The following SPAG16 variants were observed in gnomAD, a reference collection of about 807,000 sequenced individuals.
SPAG16 encodes the protein sperm associated antigen 16.
SPAG16 carries 86 observed loss-of-function variants against 80.4 expected under a neutral mutation model. The observed-to-expected ratio is 1.07, with a 90% CI of 0.90 to 1.28. SPAG16 has a LOEUF of 1.28. Ranked by LOEUF, SPAG16 falls within the 50% of genes most tolerant of loss-of-function variation. The pLI, the probability that SPAG16 is intolerant of heterozygous loss-of-function variation, is 0.00. For synonymous variants in SPAG16, 294 were observed against 265.9 expected, an observed-to-expected ratio of 1.11 and a Z score of -1.03; for missense variants, 870 against 765.3, an observed-to-expected ratio of 1.14 and a Z score of -1.61.
At position 214,084,795 on chromosome 2, in the gene SPAG16, T is replaced by G. The variant is rs139059527; in HGVS notation, c.1528-23401T>G. On this transcript the variant is annotated intron_variant, in intron 13 of 15. Coordinates refer to ENST00000331683, the MANE Select transcript of SPAG16 (RefSeq NM_024532.5). The stretch of plus-strand genomic sequence containing the variant: ...CCATTTCATACATTCAGTTACTAAT[T>G]TCTTCATCATTCATTATGTACCTGC... Among the ~76,000 whole-genome samples the G allele has an allele frequency of 1.4e-4, 21 of 152,340 alleles. No homozygotes were observed. In the East Asian group the frequency reaches 4.1e-3, roughly 29 times the overall value.
intron 11 of SPAG16, chr2:213,923,904 A>G (rs2078339958): frequency 6.6e-6 from 1 of 152,146 alleles, no homozygotes; most frequent in African/African-American, 2.4e-5. Flanking sequence ...GGGTGGGGTC[A>G]TGTGCAGCCT....
chr2:214,082,280 A>G (rs1309723573), intron 13 of SPAG16, among the ~76,000 whole-genome samples: 1 of 151,890 alleles, frequency 6.6e-6, no homozygotes, highest in East Asian at 1.9e-4. Context: ...GGTCCACTCA[A>G]CTCTGTTTTT....
intron 15 of SPAG16, among the ~76,000 whole-genome samples, chr2:214,358,045 T>C (rs937428189): frequency 1.3e-5 from 2 of 152,018 alleles, no homozygotes; most frequent in African/African-American, 2.4e-5. Flanking sequence ...GCACATATTC[T>C]TGATGTATCT....
chr2:214,231,582 A>C (rs776983278), intron 15 of SPAG16, among the ~76,000 whole-genome samples: 1 of 152,200 alleles, frequency 6.6e-6, no homozygotes, highest in South Asian at 2.1e-4. Context: ...ATAAAGAAAA[A>C]TACATCATCT....
rs143573242 is a variant in SPAG16 at position 214,001,973 on chromosome 2, T to C, written c.1401-11978T>C. The stretch of plus-strand genomic sequence containing the variant: ...CCATGTGTCTGAGGAGGCTTCACAA[T>C]TGTGGCTGAATGTGAAAGGCACAGC... On this transcript the variant is annotated intron_variant, in intron 12 of 15. Transcript: ENST00000331683. Among the ~76,000 whole-genome samples the C allele has an allele frequency of 1.1e-4, 16 of 152,294 alleles. No homozygotes were observed. The East Asian group carries it at 3.1e-3, about 29-fold the overall frequency.
intron 13 of SPAG16, among the ~76,000 whole-genome samples, chr2:214,083,919 T>C (rs2051549289): frequency 6.6e-6 from 1 of 152,202 alleles, no homozygotes; most frequent in Non-Finnish European, 1.5e-5. Flanking sequence ...TTAAAATTCC[T>C]AGTGTATGCT....
At chr2:213,917,041 CTT>C (rs2078003838) in intron 11 of SPAG16, among the ~76,000 whole-genome samples, 1 of 152,124 alleles carries the variant, frequency 6.6e-6, no homozygotes, top group African/African-American at 2.4e-5. Context: ...ATAGGGAATA[CTT>C]TCCCCATTGC....
chr2:213,903,259 G>T (rs897252467), intron 11 of SPAG16, among the ~76,000 whole-genome samples: 13 of 152,154 alleles, frequency 8.5e-5, no homozygotes, highest in Admixed American at 8.5e-4. Flanking sequence ...TTTCCCTTCT[G>T]CACTGCCCTA....
At chr2:213,761,517 A>T (rs763797171) in intron 10 of SPAG16, among the ~76,000 whole-genome samples, 2 of 152,166 alleles carry the variant, frequency 1.3e-5, no homozygotes, top group Admixed American at 1.3e-4. Flanking sequence ...AGCTAAATAA[A>T]CTAATAAAAA....
At position 213,705,595 on chromosome 2, in the gene SPAG16, CATT is replaced by C. The variant is rs576068208; in HGVS notation, c.1071-156885_1071-156883del. ...GTTTGGAAACTTGGTGCATTTATAA[CATT>C]ATTAAGAAAATTTTTTTAGGCAAAA... is the stretch of plus-strand genomic sequence containing the variant. On this transcript the variant is annotated intron_variant, in intron 10 of 15. Coordinates refer to ENST00000331683, the MANE Select transcript of SPAG16 (RefSeq NM_024532.5). Among the ~76,000 whole-genome samples the C allele has an allele frequency of 5.2e-4, 75 of 144,032 alleles. No individual in the cohort carries two copies. The East Asian group carries it at 0.011, about 21-fold the overall frequency. The allele number at this position is 144,032 out of a possible 152,430, so 94.5% of individuals were successfully genotyped here.
intron 9 of SPAG16, 120 bp from the exon 10 acceptor site, chr2:213,489,843 T>G: frequency 1.3e-6 from 1 of 741,584 alleles, no homozygotes; most frequent in Non-Finnish European, 1.9e-6. Context: ...AATGAAGGAC[T>G]TCATGTAAAT....
At chr2:214,150,927 A>G (rs2125574296) in intron 15 of SPAG16, among the ~76,000 whole-genome samples, 1 of 152,118 alleles carries the variant, frequency 6.6e-6, no homozygotes, top group Non-Finnish European at 1.5e-5. Flanking sequence ...TTTTCTCTCC[A>G]TGACTGATAT....
chr2:213,491,358 T>C (rs1429157432), intron 10 of SPAG16, among the ~76,000 whole-genome samples: 2 of 152,202 alleles, frequency 1.3e-5, no homozygotes, highest in Non-Finnish European at 2.9e-5. Flanking sequence ...ATTTCTTTTA[T>C]CTAAAATAAG....
At chr2:213,932,162 ATATATAT>A (rs2078778204) in intron 12 of SPAG16, among the ~76,000 whole-genome samples, 2 of 12,762 alleles carry the variant, frequency 1.6e-4, no homozygotes, top group African/African-American at 2.9e-4. Flanking sequence ...ATATATATAT[ATATATAT>A]ATATATATAT....
chr2:213,658,616 C>T (rs918734382), intron 10 of SPAG16, among the ~76,000 whole-genome samples: 2 of 152,242 alleles, frequency 1.3e-5, no homozygotes, highest in East Asian at 1.9e-4. Context: ...AAGGTGAAGT[C>T]GTGCATGGGT....
intron 10 of SPAG16, among the ~76,000 whole-genome samples, chr2:213,764,992 T>C (rs2125534019): frequency 6.6e-6 from 1 of 152,328 alleles, no homozygotes; most frequent in Non-Finnish European, 1.5e-5. Flanking sequence ...TGTGCCTTTC[T>C]CATCATTGCA....
intron 10 of SPAG16, among the ~76,000 whole-genome samples, chr2:213,656,760 T>C: frequency 6.6e-6 from 1 of 152,352 alleles, no homozygotes; most frequent in African/African-American, 2.4e-5. Context: ...TATTCTATAA[T>C]TTGAAGAATC....
At chr2:213,603,417 T>G (rs16850518) in intron 10 of SPAG16, among the ~76,000 whole-genome samples, 3,950 of 152,354 alleles carry the variant, frequency 0.026, 71 homozygotes, top group African/African-American at 0.046. Context: ...TATGCCATGT[T>G]TTGATGAAAA....
In SPAG16 at chr2:214,391,245, T is replaced by G. The variant is rs567225452; in HGVS notation, c.1721-18895T>G. Reference sequence around the variant, plus strand: ...CTCTTCTGTAAAATTGGGATAATCATTAGAATGATTTTGAGCAGTAAATTG... The same window carrying G: ...CTCTTCTGTAAAATTGGGATAATCAGTAGAATGATTTTGAGCAGTAAATTG... On this transcript the variant is annotated intron_variant, in intron 15 of 15. Transcript: ENST00000331683. 3.2e-4 allele frequency among the ~76,000 whole-genome samples: 48 copies of G among 152,238 alleles called. 1 individual carries two copies. Among genetic ancestry groups the G allele is most frequent in the African/African-American group, 1.2e-3 (48 of 41,548 alleles).
Sources: gnomAD v4.1 joint callset for allele counts (sites outside exome capture counted in the v4.1 genomes callset) on GRCh38, gnomAD v4.1.1 for gene constraint, MANE v1.5 for transcripts, NCBI Gene and HGNC (gene_info 2026-07-23, HGNC 2026-07-21) for gene names.